The following SFRP5 variants were observed in gnomAD, a reference collection of about 807,000 sequenced individuals.
SFRP5 encodes the protein secreted frizzled-related protein 5.
A neutral mutation model predicts 27.0 loss-of-function variants in SFRP5; 22 were observed. The ratio of observed to expected loss-of-function variants is 0.82; its 90% CI spans 0.58 to 1.17. SFRP5 has a LOEUF of 1.17. SFRP5 is among the 50% of genes most tolerant of loss of function. SFRP5 has a pLI of 0.00. For synonymous variants in SFRP5, 171 were observed against 195.0 expected (o/e 0.88, Z 1.03); for missense variants, 406 against 436.6 (o/e 0.93, Z 0.63).
intron 1 of SFRP5, among the ~76,000 whole-genome samples, chr10:97,770,414 T>A (rs909621704): frequency 1.3e-5 from 2 of 152,114 alleles, no homozygotes; most frequent in African/African-American, 2.4e-5. Flanking sequence ...CCAGAGCGGT[T>A]ACTCAAGTCT....
Position 97,771,414 on chromosome 10 carries a change from C to G in SFRP5, c.420G>C (p.Glu140Asp). 6.2e-7 allele frequency: 1 copy of G among 1,613,030 alleles called. No individual in the cohort carries two copies. The highest frequency in any genetic ancestry group is 8.5e-7 in the Non-Finnish European group (1 of 1,179,554). ...AVRAGCAPLM[E>D]AYGFPWPEML... is the part of the protein sequence containing the mutation. ...TCTCAGGCCAGGGGAAGCCGTAGGC[C>G]TCCATGAGCGGCGCGCAGCCGGCGC... Residue 140 changes from glutamate to aspartate, a missense_variant, in exon 1 of 3, where the codon GAG (glutamate) becomes GAC (aspartate). Physicochemically the swap from Glu to Asp is conservative, Grantham distance 45. Transcript: ENST00000266066. This position sits in a 1 kb window ranked among gnomAD's most constrained non-coding sequence, Gnocchi z 5.2.
chr10:97,771,390 CT>C lies in SFRP5; in HGVS notation c.443del (p.Glu148GlyfsTer30). ...GGGGGAACTTGTGGCAGTGCAGCAT[CT>C]CAGGCCAGGGGAAGCCGTAGGCCTC... ...LMEAYGFPWP[E>X]MLHCHKFPLD... is the part of the protein sequence containing the mutation. On this transcript the variant is annotated frameshift_variant, in exon 1 of 3. Transcript: ENST00000266066. LOFTEE classifies it high-confidence loss of function. This position sits in a 1 kb window ranked among gnomAD's most constrained non-coding sequence, Gnocchi z 5.2. 1 of 1,612,702 alleles carries C rather than the reference CT, an allele frequency of 6.2e-7. No homozygotes were observed. The highest frequency in any genetic ancestry group is 1.7e-5 in the Admixed American group (1 of 59,968).
Position 97,769,657 on chromosome 10 carries a change from C to A in SFRP5, c.607+11G>T, listed in dbSNP as rs2049504761. On this transcript the variant is annotated intron_variant, in intron 2 of 2. Coordinates refer to ENST00000266066, the MANE Select transcript of SFRP5 (RefSeq NM_003015.3). ...ATGTCGGGGCAGTGGCAGCGTGGGC[C>A]CCACACTCACCAAAGTCACTGGAGC... The A allele has an allele frequency of 6.2e-7, 1 of 1,603,262 alleles. No individual in the cohort carries two copies. The highest frequency in any genetic ancestry group is 8.5e-7 in the Non-Finnish European group (1 of 1,172,102).
At position 97,767,683 on chromosome 10, in the gene SFRP5, G is replaced by A. The variant is rs772368228; in HGVS notation, c.785C>T (p.Ala262Val). ...GCGGCCCATGACCAGGAAGCTGCCC[G>A]CCAGGCTGTCCAGCTGTGGGCAGGG... ...GCPCPQLDSL[A>V]GSFLVMGRKV... The change falls in exon 3 of 3, where the codon GCG becomes GTG. Residue 262 changes from alanine to valine, a missense_variant. Physicochemically the swap from Ala to Val is moderately conservative, Grantham distance 64. Transcript: ENST00000266066. The A allele has an allele frequency of 1.3e-5, 21 of 1,613,984 alleles. No individual in the cohort carries two copies. Among genetic ancestry groups the A allele is most frequent in the Middle Eastern group, 1.6e-4 (1 of 6,062 alleles).
intron 1 of SFRP5, among the ~76,000 whole-genome samples, chr10:97,770,743 G>C (rs533604023): frequency 6.6e-6 from 1 of 152,338 alleles, no homozygotes; most frequent in African/African-American, 2.4e-5. Context: ...CTGGGGAAGA[G>C]GGTGGAGATC....
chr10:97,771,747 G>A lies in SFRP5; in HGVS notation c.87C>T (p.Cys29=), dbSNP rs745352914. 1.9e-6 allele frequency: 3 copies of A among 1,591,728 alleles called. No individual in the cohort carries two copies. The African/African-American group carries it at 4.0e-5, about 21-fold the overall frequency. ...LGALHWAPAR[C]EEYDYYGWQA... is the part of the protein sequence containing the mutation. ...GCCAGCCATAGTAGTCGTACTCCTC[G>A]CAGCGCGCCGGCGCCCAGTGCAGCG... is the stretch of plus-strand genomic sequence containing the variant. The change falls in exon 1 of 3, where the codon TGC becomes TGT. Residue 29 remains cysteine, a synonymous_variant. Coordinates refer to ENST00000266066, the MANE Select transcript of SFRP5 (RefSeq NM_003015.3). The surrounding 1 kb of genome is among the most constrained non-coding windows in gnomAD (Gnocchi z 5.2).
At position 97,771,478 on chromosome 10, in the gene SFRP5, C is replaced by G. The variant is rs758449844; in HGVS notation, c.356G>C (p.Arg119Pro). 4.3e-6 allele frequency: 7 copies of G among 1,611,886 alleles called. No homozygotes were observed. Among genetic ancestry groups the G allele is most frequent in the South Asian group, 2.2e-5 (2 of 90,978 alleles). ...CAGCGAGCGGCACGGGTAGATGGGC[C>G]GGTCGAGACAGACGGGCGCAAAGAG... ...CSLFAPVCLDRPIYPCRSLCE... is the reference protein window; with the variant it reads ...CSLFAPVCLDPPIYPCRSLCE... The change falls in exon 1 of 3, where the codon CGG becomes CCG. Residue 119 changes from arginine to proline, a missense_variant. Physicochemically the swap from Arg to Pro is moderately radical, Grantham distance 103. Transcript: ENST00000266066. This position sits in a 1 kb window ranked among gnomAD's most constrained non-coding sequence, Gnocchi z 5.2.
rs111331060 is a variant in SFRP5 at position 97,767,717 on chromosome 10, C to T, written c.751G>A (p.Ala251Thr). The T allele has an allele frequency of 2.7e-5, 43 of 1,613,622 alleles. No individual in the cohort carries two copies. The South Asian group carries it at 3.1e-4, about 12-fold the overall frequency. ...KRLVLHMKNG[A>T]GCPCPQLDSL... Reference sequence around the variant, plus strand: ...TCCAGCTGTGGGCAGGGGCAGCCCGCGCCATTCTTCATGTGCAGCACCAGC... The same window carrying T: ...TCCAGCTGTGGGCAGGGGCAGCCCGTGCCATTCTTCATGTGCAGCACCAGC... The change falls in exon 3 of 3, where the codon GCG becomes ACG. Residue 251 changes from alanine (A) to threonine (T), a missense_variant. Transcript: ENST00000266066.
Position 97,771,128 on chromosome 10 carries a change from T to TGGGAAGGC in SFRP5, c.529+169_529+176dup, listed in dbSNP as rs2049512614. Among the ~76,000 whole-genome samples, 1 of 137,188 alleles carries TGGGAAGGC rather than the reference T, an allele frequency of 7.3e-6. No individual in the cohort carries two copies. Among genetic ancestry groups the TGGGAAGGC allele is most frequent in the Non-Finnish European group, 1.6e-5 (1 of 63,762 alleles). 90.0% of individuals were successfully genotyped at this position (137,188 alleles called of 152,430 possible). A position where few individuals can be genotyped will look rare whatever the true frequency, so the allele number is the denominator to read the frequency against. ...ACTATGCTGCCACTCCCTGGGGAGG[T>TGGGAAGGC]GGGAAGGCGGGAAGGCTGCGGGGGA... is the stretch of plus-strand genomic sequence containing the variant. On this transcript the variant is annotated intron_variant, in intron 1 of 2. Coordinates refer to ENST00000266066, the MANE Select transcript of SFRP5 (RefSeq NM_003015.3). This position sits in a 1 kb window ranked among gnomAD's most constrained non-coding sequence, Gnocchi z 5.2.
chr10:97,770,298 G>C (rs2049507537), intron 1 of SFRP5, among the ~76,000 whole-genome samples: 1 of 152,238 alleles, frequency 6.6e-6, no homozygotes, highest in South Asian at 2.1e-4. Context: ...TAGAACTCCT[G>C]ACCTCAAGTG....
chr10:97,771,813 C>CG lies in SFRP5; in HGVS notation c.20_21insC (p.Val10ArgfsTer46), dbSNP rs1554901782. ...CCAGCGCGGCCGTCCGCACGCCCCC[C>CG]CCCGCCGCCGCCGCCCGCATGGCTG... On this transcript the variant is annotated frameshift_variant, in exon 1 of 3. Transcript: ENST00000266066. LOFTEE classifies it high-confidence loss of function. This position sits in a 1 kb window ranked among gnomAD's most constrained non-coding sequence, Gnocchi z 5.2. 1,183 of 1,204,686 alleles carry CG rather than the reference C, an allele frequency of 9.8e-4. 10 individuals are homozygous for CG. The African/African-American group carries it at 0.012, about 13-fold the overall frequency. 74.6% of individuals were successfully genotyped at this position (1,204,686 alleles called of 1,614,324 possible).
chr10:97,769,354 A>G (rs888365235), intron 2 of SFRP5, among the ~76,000 whole-genome samples: 1 of 152,200 alleles, frequency 6.6e-6, no homozygotes, highest in South Asian at 2.1e-4. Context: ...CACTATCCAC[A>G]GAGATGATCC....
chr10:97,769,143 C>G (rs2049501877), intron 2 of SFRP5, among the ~76,000 whole-genome samples: 1 of 152,172 alleles, frequency 6.6e-6, no homozygotes, highest in African/African-American at 2.4e-5. Context: ...CATGTGTGAG[C>G]CAGGTCCTGA....
rs749234162 is a variant in SFRP5 at position 97,769,651 on chromosome 10, G to A, written c.607+17C>T. The A allele has an allele frequency of 1.7e-5, 27 of 1,589,222 alleles. No homozygotes were observed. The highest frequency in any genetic ancestry group is 3.4e-4 in the Middle Eastern group (2 of 5,952). ...GGGGTGATGTCGGGGCAGTGGCAGC[G>A]TGGGCCCCACACTCACCAAAGTCAC... On this transcript the variant is annotated intron_variant, in intron 2 of 2. Coordinates refer to ENST00000266066, the MANE Select transcript of SFRP5 (RefSeq NM_003015.3).
rs924427336 is a variant in SFRP5 at position 97,771,131 on chromosome 10, G to T, written c.529+174C>A. On this transcript the variant is annotated intron_variant, in intron 1 of 2. Transcript: ENST00000266066. This position sits in a 1 kb window ranked among gnomAD's most constrained non-coding sequence, Gnocchi z 5.2. ...ATGCTGCCACTCCCTGGGGAGGTGG[G>T]AAGGCGGGAAGGCTGCGGGGGATAA... 2.0e-5 allele frequency among the ~76,000 whole-genome samples: 3 copies of T among 151,884 alleles called. No individual in the cohort carries two copies. Among genetic ancestry groups the T allele is most frequent in the African/African-American group, 7.3e-5 (3 of 41,276 alleles).
In SFRP5 at chr10:97,771,275, AGCGCGCGGGGACGG is replaced by A; in HGVS notation, c.529+16_529+29del. 6.8e-7 allele frequency: 1 copy of A among 1,474,574 alleles called. No homozygotes were observed. Among genetic ancestry groups the A allele is most frequent in the Admixed American group, 2.3e-5 (1 of 44,202 alleles). 91.3% of individuals were successfully genotyped at this position (1,474,574 alleles called of 1,614,324 possible). ...GCTAGGGGAGCTGCAGGGCCGTCGG[AGCGCGCGGGGACGG>A]CGGCGGCGGCGCTACCTGGAGGCGC... is the stretch of plus-strand genomic sequence containing the variant. On this transcript the variant is annotated intron_variant, in intron 1 of 2. Coordinates refer to ENST00000266066, the MANE Select transcript of SFRP5 (RefSeq NM_003015.3). The surrounding 1 kb of genome is among the most constrained non-coding windows in gnomAD (Gnocchi z 5.2).
chr10:97,768,028 TATC>T (rs1339847268), intron 2 of SFRP5, among the ~76,000 whole-genome samples, 168 bp from the exon 3 acceptor site: 1 of 152,050 alleles, frequency 6.6e-6, no homozygotes, highest in Non-Finnish European at 1.5e-5. Flanking sequence ...ATGAAGCACT[TATC>T]ATGCTGCACT....
In SFRP5 at chr10:97,767,683, G is replaced by T. The variant is rs772368228; in HGVS notation, c.785C>A (p.Ala262Glu). 6.2e-6 allele frequency: 10 copies of T among 1,613,984 alleles called. No homozygotes were observed. Among genetic ancestry groups the T allele is most frequent in the Non-Finnish European group, 8.5e-6 (10 of 1,180,010 alleles). ...GCPCPQLDSL[A>E]GSFLVMGRKV... ...GCGGCCCATGACCAGGAAGCTGCCC[G>T]CCAGGCTGTCCAGCTGTGGGCAGGG... The change falls in exon 3 of 3, where the codon GCG (alanine) becomes GAG (glutamate). Residue 262 changes from alanine to glutamate, a missense_variant. Coordinates refer to ENST00000266066, the MANE Select transcript of SFRP5 (RefSeq NM_003015.3).
intron 2 of SFRP5, 66 bp from the exon 3 acceptor site, chr10:97,767,926 A>G (rs2049494887): frequency 7.9e-6 from 10 of 1,267,102 alleles, no homozygotes; most frequent in Admixed American, 2.4e-5. Context: ...TGGTGGGCAC[A>G]GAGTTGGTGT....
Sources: gnomAD v4.1 joint callset for allele counts (sites outside exome capture counted in the v4.1 genomes callset) on GRCh38, gnomAD v4.1.1 for gene constraint, Gnocchi (gnomAD v3.1) non-coding constraint, MANE v1.5 for transcripts, NCBI Gene and HGNC (gene_info 2026-07-23, HGNC 2026-07-21) for gene names.